DCHS2: variants seen among roughly 807,000 people sequenced by gnomAD.
DCHS2 encodes the protein protocadherin-23.
DCHS2 carries 142 observed loss-of-function variants against 182.4 expected under a neutral mutation model. That is an observed-to-expected ratio of 0.78 (90% confidence interval 0.68 to 0.89). The LOEUF (loss-of-function observed/expected upper bound fraction) is 0.89. Among genes scored for constraint, DCHS2 ranks in the 40% least tolerant of loss-of-function variants. The pLI is 0.00. For synonymous variants in DCHS2, 1,740 were observed against 1,663.3 expected (o/e 1.05, Z -1.12); for missense variants, 4,319 against 4,198.6 (o/e 1.03, Z -0.79).
Position 154,235,296 on chromosome 4 carries a change from G to T in DCHS2, c.9356C>A (p.Ser3119Ter). Reference sequence around the variant, plus strand: ...CTCGTGGTCACTCAGAGCTGAGTCTGAGCACTTTCTGTAGGGATGCTCATT... The same window carrying T: ...CTCGTGGTCACTCAGAGCTGAGTCTTAGCACTTTCTGTAGGGATGCTCATT... ...RINEHPYRKCSDSALSDHESR... is the reference protein window; with the variant it reads ...RINEHPYRKC The change falls in exon 20 of 20, where the codon TCA (serine) becomes TAA (stop). Residue 3119 changes from serine (S) to a stop codon, truncating the protein, a stop_gained. Coordinates refer to ENST00000357232, the MANE Select transcript of DCHS2 (RefSeq NM_001358235.2). LOFTEE classifies it low-confidence loss of function (END_TRUNC). 1 of 1,614,080 alleles carries T rather than the reference G, an allele frequency of 6.2e-7. No individual in the cohort carries two copies. Among genetic ancestry groups the T allele is most frequent in the Non-Finnish European group, 8.5e-7 (1 of 1,179,980 alleles).
chr4:154,258,899 C>T (rs1002602809), intron 15 of DCHS2, among the ~76,000 whole-genome samples: 1 of 152,182 alleles, frequency 6.6e-6, no homozygotes, highest in Non-Finnish European at 1.5e-5. Context: ...TACTGATTTC[C>T]TTTCCAAAGT....
chr4:154,444,737 T>G (rs1315016184), intron 1 of DCHS2, among the ~76,000 whole-genome samples: 1 of 152,180 alleles, frequency 6.6e-6, no homozygotes, highest in Non-Finnish European at 1.5e-5. Context: ...CTTCACTCAC[T>G]TTCCTCCACA....
chr4:154,351,088 T>C (rs1471179962), intron 3 of DCHS2, among the ~76,000 whole-genome samples: 1 of 152,178 alleles, frequency 6.6e-6, no homozygotes, highest in East Asian at 1.9e-4. Flanking sequence ...ATTTAGACAA[T>C]GGCATTTGTG....
At chr4:154,449,685 C>A (rs2110973603) in intron 1 of DCHS2, among the ~76,000 whole-genome samples, 1 of 152,212 alleles carries the variant, frequency 6.6e-6, no homozygotes, top group South Asian at 2.1e-4. Context: ...TCTTTATTTT[C>A]TCTCAAAATT....
intron 16 of DCHS2, among the ~76,000 whole-genome samples, chr4:154,254,673 C>T (rs187656391): frequency 6.6e-6 from 1 of 152,088 alleles, no homozygotes; most frequent in Admixed American, 6.5e-5. Context: ...CCCATCTCTA[C>T]TAAAAATACA....
At chr4:154,428,833 G>A (rs1482752861) in intron 1 of DCHS2, among the ~76,000 whole-genome samples, 1 of 151,988 alleles carries the variant, frequency 6.6e-6, no homozygotes, top group East Asian at 1.9e-4. Context: ...AACCCAGGAG[G>A]TGGAGGTTGC....
In DCHS2 at chr4:154,236,395, CA is replaced by C. The variant is rs1731505221; in HGVS notation, c.8256del (p.Phe2752LeufsTer40). On this transcript the variant is annotated frameshift_variant, in exon 20 of 20. Coordinates refer to ENST00000357232, the MANE Select transcript of DCHS2 (RefSeq NM_001358235.2). LOFTEE classifies it low-confidence loss of function (END_TRUNC). Reference protein sequence around the residue: ...ASDAEKKHFSFAVVFVSVLDD... With the variant: ...ASDAEKKHFSXAVVFVSVLDD... ...TCCAGGACACTGACAAACACAACTG[CA>C]AAAGAAAAATGTTTCTTTTCTGCAT... 1 of 1,614,040 alleles carries C rather than the reference CA, an allele frequency of 6.2e-7. No homozygotes were observed. Among genetic ancestry groups the C allele is most frequent in the East Asian group, 2.2e-5 (1 of 44,852 alleles).
intron 1 of DCHS2, among the ~76,000 whole-genome samples, chr4:154,434,344 C>T (rs955516426): frequency 9.2e-5 from 14 of 152,058 alleles, no homozygotes; most frequent in Admixed American, 2.6e-4. Flanking sequence ...ATCGCTTGAG[C>T]CTGGGAGGTG....
chr4:154,471,162 C>CA (rs1413164738), intron 1 of DCHS2, among the ~76,000 whole-genome samples: 29 of 152,322 alleles, frequency 1.9e-4, no homozygotes, highest in African/African-American at 6.7e-4. Flanking sequence ...GACAAACTGA[C>CA]TTGCTTAAAA....
At chr4:154,322,305 T>TTAGATAAATCTTTAGATGTCA in intron 8 of DCHS2, 26 bp downstream of exon 8, 1 of 1,611,646 alleles carries the variant, frequency 6.2e-7, no homozygotes, top group Non-Finnish European at 8.5e-7. Context: ...TAGATGTCCT[T>TTAGATAAATCTTTAGATGTCA]CCATATTTTA....
At position 154,305,141 on chromosome 4, in the gene DCHS2, G is replaced by A. The variant is rs769362367; in HGVS notation, c.5351C>T (p.Thr1784Ile). 6.2e-7 allele frequency: 1 copy of A among 1,612,680 alleles called. No homozygotes were observed. Among genetic ancestry groups the A allele is most frequent in the South Asian group, 1.1e-5 (1 of 90,656 alleles). ...INSDTGEVVT[T>I]TILDREIQEV... The stretch of plus-strand genomic sequence containing the variant: ...TTGAATTTCTCTGTCAAGTATGGTG[G>A]TTGTCACTACCTCTCCAGTGTCAGA... Residue 1784 changes from threonine to isoleucine, a missense_variant, in exon 11 of 20, where the codon ACC (threonine) becomes ATC (isoleucine). Thr to Ile is a moderately conservative substitution (Grantham distance 89). Transcript: ENST00000357232.
intron 1 of DCHS2, among the ~76,000 whole-genome samples, chr4:154,441,056 A>G (rs1466919742): frequency 2.0e-5 from 3 of 152,226 alleles, no homozygotes; most frequent in South Asian, 2.1e-4. Flanking sequence ...TTTTGCTGGC[A>G]TGGGCAAAAA....
intron 14 of DCHS2, among the ~76,000 whole-genome samples, chr4:154,268,687 T>C (rs151145442): frequency 3.9e-5 from 6 of 152,318 alleles, no homozygotes; most frequent in African/African-American, 1.2e-4. Context: ...TATTTTACTA[T>C]TGTCCATTAA....
intron 13 of DCHS2, among the ~76,000 whole-genome samples, chr4:154,294,100 G>C (rs1218910851): frequency 6.6e-6 from 1 of 152,008 alleles, no homozygotes; most frequent in Non-Finnish European, 1.5e-5. Flanking sequence ...CTATCCACAG[G>C]GTCTGGCTGC....
intron 1 of DCHS2, among the ~76,000 whole-genome samples, chr4:154,463,014 C>T (rs970836431): frequency 6.6e-6 from 1 of 151,802 alleles, no homozygotes; most frequent in South Asian, 2.1e-4. Flanking sequence ...TAAGACTCTT[C>T]CCCATACCAA....
chr4:154,390,848 A>G (rs1402055973), intron 1 of DCHS2, among the ~76,000 whole-genome samples: 5 of 152,246 alleles, frequency 3.3e-5, no homozygotes, highest in Admixed American at 3.3e-4. Flanking sequence ...GCAATCCATG[A>G]CCGAATATTT....
intron 13 of DCHS2, among the ~76,000 whole-genome samples, chr4:154,287,830 T>G (rs1019497285): frequency 6.6e-6 from 1 of 152,128 alleles, no homozygotes; most frequent in Non-Finnish European, 1.5e-5. Flanking sequence ...GATTGTTTGT[T>G]TATGCATTCG....
chr4:154,437,432 T>A (rs765373054), intron 1 of DCHS2, among the ~76,000 whole-genome samples: 2 of 152,158 alleles, frequency 1.3e-5, no homozygotes, highest in African/African-American at 4.8e-5. Flanking sequence ...ACAAGCCCAA[T>A]CTAGGCTTTC....
chr4:154,380,495 T>C (rs1321160665), intron 1 of DCHS2, among the ~76,000 whole-genome samples: 2 of 152,156 alleles, frequency 1.3e-5, no homozygotes, highest in East Asian at 3.9e-4. Flanking sequence ...TCAATAACTT[T>C]GGCTTCATTG....
Sources: gnomAD v4.1 joint callset for allele counts (sites outside exome capture counted in the v4.1 genomes callset) on GRCh38, gnomAD v4.1.1 for gene constraint, MANE v1.5 for transcripts, NCBI Gene and HGNC (gene_info 2026-07-23, HGNC 2026-07-21) for gene names.